EYS: variants seen among roughly 807,000 people sequenced by gnomAD.
The protein encoded by EYS is protein eyes shut homolog.
Under a neutral mutation model 282.1 loss-of-function variants are expected in EYS, and 250 were observed. The ratio of observed to expected loss-of-function variants is 0.89; its 90% CI spans 0.80 to 0.98. EYS has a LOEUF of 0.98. Among genes scored for constraint, EYS ranks in the 50% least tolerant of loss-of-function variants. The probability of loss-of-function intolerance (pLI) is 0.00; values close to 1 mark genes in which losing one functional copy is unlikely to be tolerated. For synonymous variants in EYS, 1,355 were observed against 1,282.9 expected (o/e 1.06, Z -1.20); for missense variants, 4,016 against 3,709.0 (o/e 1.08, Z -2.15).
At chr6:64,560,717 T>C (rs58544355) in intron 26 of EYS, among the ~76,000 whole-genome samples, 4,614 of 152,192 alleles carry the variant, frequency 0.03, 156 homozygotes, top group East Asian at 0.11. Flanking sequence ...ATTTAAAAAA[T>C]AAAGTTTGTT....
chr6:64,232,453 G>T (rs1036401499), intron 30 of EYS, among the ~76,000 whole-genome samples: 1 of 152,048 alleles, frequency 6.6e-6, no homozygotes, highest in African/African-American at 2.4e-5. Flanking sequence ...GCAATGGTGC[G>T]ATCTCAGCTC....
chr6:65,688,261 G>C (rs9354276), intron 1 of EYS, among the ~76,000 whole-genome samples: 124,293 of 151,996 alleles, frequency 0.82, 50,918 homozygotes, highest in East Asian at 0.85. Flanking sequence ...CAGAACAGAG[G>C]CCTCAGAAAT....
At chr6:65,261,444 A>G (rs1465953021) in intron 12 of EYS, among the ~76,000 whole-genome samples, 1 of 151,986 alleles carries the variant, frequency 6.6e-6, no homozygotes, top group Non-Finnish European at 1.5e-5. Flanking sequence ...AGCAAATATC[A>G]AGAAAACTCT....
At chr6:64,200,432 T>C (rs1439752575) in intron 31 of EYS, among the ~76,000 whole-genome samples, 1 of 152,168 alleles carries the variant, frequency 6.6e-6, no homozygotes, top group East Asian at 1.9e-4. Flanking sequence ...AGTTAGGGTA[T>C]ATATAACTCT....
intron 22 of EYS, among the ~76,000 whole-genome samples, chr6:64,627,962 C>T (rs979386181): frequency 2.0e-5 from 3 of 152,134 alleles, no homozygotes; most frequent in Non-Finnish European, 2.9e-5. Context: ...CTTCTGTAGT[C>T]CCAGCTACTC....
In EYS at chr6:64,654,246, T is replaced by C. The variant is rs577636149; in HGVS notation, c.3444-28001A>G. Among the ~76,000 whole-genome samples the C allele has an allele frequency of 3.1e-3, 473 of 152,282 alleles. 6 individuals carry two copies. The highest frequency in any genetic ancestry group is 4.5e-3 in the Non-Finnish European group (308 of 68,018). On this transcript the variant is annotated intron_variant, in intron 22 of 42. Transcript: ENST00000503581. The stretch of plus-strand genomic sequence containing the variant: ...TGAATTTTTCTTATAAAAGTTCAAT[T>C]GTCTAATAAATTAATGATACCTCTC...
At chr6:65,492,390 GGAAA>G (rs371611150) in intron 4 of EYS, among the ~76,000 whole-genome samples, 2 of 147,834 alleles carry the variant, frequency 1.4e-5, no homozygotes, top group Admixed American at 1.4e-4. Flanking sequence ...AAGCAAAGAA[GGAAA>G]GAAGGAAGGA....
At chr6:64,790,650 C>A (rs990584969) in intron 22 of EYS, among the ~76,000 whole-genome samples, 1 of 151,732 alleles carries the variant, frequency 6.6e-6, no homozygotes, top group Non-Finnish European at 1.5e-5. Flanking sequence ...AAAATCATTC[C>A]ACTTTGGTTT....
intron 33 of EYS, among the ~76,000 whole-genome samples, chr6:64,064,339 A>G (rs948019885): frequency 6.6e-6 from 1 of 152,170 alleles, no homozygotes; most frequent in African/African-American, 2.4e-5. Flanking sequence ...ATAGAACAAA[A>G]CCAGGAGAAA....
chr6:65,423,253 G>A (rs191164621), intron 5 of EYS, among the ~76,000 whole-genome samples: 2 of 151,988 alleles, frequency 1.3e-5, no homozygotes, highest in African/African-American at 4.8e-5. Flanking sequence ...CTTGATCTAT[G>A]TCACATGTAT....
intron 11 of EYS, among the ~76,000 whole-genome samples, chr6:65,310,217 G>A (rs930647587): frequency 3.9e-5 from 6 of 152,076 alleles, no homozygotes; most frequent in African/African-American, 1.2e-4. Context: ...GGTGGCATGT[G>A]CCTGTAATCC....
intron 37 of EYS, 95 bp downstream of exon 37, chr6:63,806,094 CT>C (rs138375660): frequency 1.1e-4 from 129 of 1,132,462 alleles, no homozygotes; most frequent in South Asian, 1.9e-4. Context: ...AGGCAAAGGT[CT>C]TTTTTTTACC....
chr6:65,017,983 A>T (rs752754289), intron 13 of EYS, among the ~76,000 whole-genome samples: 2 of 152,174 alleles, frequency 1.3e-5, no homozygotes, highest in Non-Finnish European at 2.9e-5. Context: ...TCTTCATGGT[A>T]TGGAGCCAAT....
At chr6:64,704,591 A>C (rs1260566945) in intron 22 of EYS, among the ~76,000 whole-genome samples, 1 of 147,668 alleles carries the variant, frequency 6.8e-6, no homozygotes, top group Non-Finnish European at 1.5e-5. Flanking sequence ...TGGGAAGGTG[A>C]TGACATTGTC....
At position 65,372,480 on chromosome 6, in the gene EYS, G is replaced by C. The variant is rs553950660; in HGVS notation, c.1299+11906C>G. Among the ~76,000 whole-genome samples the C allele has an allele frequency of 6.1e-4, 93 of 152,008 alleles. 1 individual carries two copies. The highest frequency in any genetic ancestry group is 2.2e-3 in the African/African-American group (93 of 41,514). ...AGTACCTGTATTTTACAATTATAAT[G>C]TGCATAATATCAAACATTTTTAAAT... On this transcript the variant is annotated intron_variant, in intron 8 of 42. Transcript: ENST00000503581.
At chr6:63,944,867 G>A (rs144328176) in intron 35 of EYS, among the ~76,000 whole-genome samples, 70 of 152,246 alleles carry the variant, frequency 4.6e-4, no homozygotes, top group African/African-American at 1.5e-3. Context: ...CCTGGAGGTG[G>A]AGGTTGCAGT....
At chr6:64,042,680 G>A (rs141127498) in intron 33 of EYS, among the ~76,000 whole-genome samples, 3 of 152,210 alleles carry the variant, frequency 2.0e-5, no homozygotes, top group Non-Finnish European at 4.4e-5. Context: ...TCAATGTAGT[G>A]GCTTTTCGCT....
At chr6:64,012,880 A>C (rs1393836301) in intron 33 of EYS, among the ~76,000 whole-genome samples, 1 of 152,212 alleles carries the variant, frequency 6.6e-6, no homozygotes, top group African/African-American at 2.4e-5. Context: ...GTTTTTGCTT[A>C]GATCGTCACA....
At chr6:65,161,672 T>C (rs1764853513) in intron 12 of EYS, among the ~76,000 whole-genome samples, 1 of 151,216 alleles carries the variant, frequency 6.6e-6, no homozygotes, top group African/African-American at 2.4e-5. Context: ...CTCAAAGAGA[T>C]GTTCTGACAC....
Sources: allele counts gnomAD v4.1 joint callset (sites outside exome capture counted in the v4.1 genomes callset), GRCh38; gene constraint gnomAD v4.1.1; transcripts MANE v1.5; gene names NCBI Gene and HGNC (gene_info 2026-07-23, HGNC 2026-07-21).